The following NUP155 variants were observed in gnomAD, a reference collection of about 807,000 sequenced individuals.
NUP155 encodes the protein nuclear pore complex protein Nup155.
Under a neutral mutation model 180.4 loss-of-function variants are expected in NUP155, and 71 were observed. The observed-to-expected ratio is 0.39, with a 90% CI of 0.33 to 0.48. The LOEUF (loss-of-function observed/expected upper bound fraction) is 0.48, where lower values mean the gene tolerates loss of function less well. Ranked by LOEUF, NUP155 falls within the 20% of genes least tolerant of loss-of-function variation. NUP155 has a pLI of 0.91. For missense variants in NUP155, 1,553 were observed against 1,648.9 expected (o/e 0.94, Z 1.01); for synonymous variants, 582 against 559.5 (o/e 1.04, Z -0.57).
intron 2 of NUP155, 101 bp downstream of exon 2, chr5:37,364,146 A>G: frequency 8.7e-7 from 1 of 1,155,524 alleles, no homozygotes; most frequent in Middle Eastern, 2.0e-4. Context: ...TAAAACCCTT[A>G]AATGAATATA....
Position 37,348,496 on chromosome 5 carries a change from A to G in NUP155, c.995+9T>C, listed in dbSNP as rs1746247922. On this transcript the variant is annotated intron_variant, in intron 9 of 34. Coordinates refer to ENST00000231498, the MANE Select transcript of NUP155 (RefSeq NM_153485.3). ...CAAATGAAATGCTTAATAATAAATTACATGTTACCTAGCAATGTTACCAGC... is the reference window on the plus strand; with the variant it reads ...CAAATGAAATGCTTAATAATAAATTGCATGTTACCTAGCAATGTTACCAGC... 6.5e-7 allele frequency: 1 copy of G among 1,537,672 alleles called. No individual in the cohort carries two copies. Among genetic ancestry groups the G allele is most frequent in the Non-Finnish European group, 9.0e-7 (1 of 1,110,742 alleles).
At position 37,325,964 on chromosome 5, in the gene NUP155, G is replaced by A; in HGVS notation, c.2028C>T (p.Asn676=). 1 of 1,605,968 alleles carries A rather than the reference G, an allele frequency of 6.2e-7. No individual in the cohort carries two copies. The highest frequency in any genetic ancestry group is 8.5e-7 in the Non-Finnish European group (1 of 1,175,234). The change falls in exon 19 of 35, where the codon AAC becomes AAT. Residue 676 remains asparagine, a synonymous_variant. Transcript: ENST00000231498. ...CCACAACTAAGCTTGCATCCCAAAT[G>A]TTTCTGGAAAAAAAAAAGTTTTAAT... ...ICIYFSRIMG[N]IWDASLVVER...
chr5:37,334,968 G>A (rs1274850192), intron 12 of NUP155, among the ~76,000 whole-genome samples: 1 of 151,888 alleles, frequency 6.6e-6, no homozygotes, highest in Non-Finnish European at 1.5e-5. Context: ...GACCAGCCAG[G>A]CCAATGTGGT....
chr5:37,312,370 TA>T (rs34968825), intron 22 of NUP155, among the ~76,000 whole-genome samples: 37,824 of 144,152 alleles, frequency 0.26, 5,076 homozygotes, highest in Middle Eastern at 0.41. Flanking sequence ...CAAAGAGGAT[TA>T]AAAAAAAAAA....
At chr5:37,304,173 C>A (rs529207748) in intron 27 of NUP155, among the ~76,000 whole-genome samples, 1 of 148,386 alleles carries the variant, frequency 6.7e-6, no homozygotes, top group South Asian at 2.1e-4. Flanking sequence ...TTGCTGGAAC[C>A]CGGGAGGCGG....
intron 4 of NUP155, among the ~76,000 whole-genome samples, chr5:37,356,894 G>A (rs965904111): frequency 3.9e-5 from 6 of 152,118 alleles, no homozygotes; most frequent in African/African-American, 1.4e-4. Context: ...AATCACCTGA[G>A]GTCAACAGTT....
rs1337415849 is a variant in NUP155, at chr5:37,288,222, TTTCAA to T, written c.*3673_*3677del. The T allele has an allele frequency of 2.0e-5, 3 of 152,204 alleles. No individual in the cohort carries two copies. The East Asian group carries it at 5.8e-4, about 29-fold the overall frequency. 9.4% of individuals were successfully genotyped at this position (152,204 alleles called of 1,614,324 possible). A position where few individuals can be genotyped will look rare whatever the true frequency, so the allele number is the denominator to read the frequency against. On this transcript the variant is annotated 3_prime_UTR_variant, in exon 35 of 35. Transcript: ENST00000231498. ...AGAAATTGTGAACCCTTTCAAAACC[TTTCAA>T]TTCAATGTTCTAGTTCTTCATTTCC... is the stretch of plus-strand genomic sequence containing the variant.
chr5:37,335,680 C>A (rs920830266), intron 12 of NUP155, among the ~76,000 whole-genome samples: 1 of 152,078 alleles, frequency 6.6e-6, no homozygotes, highest in Non-Finnish European at 1.5e-5. Context: ...CTGGACGACA[C>A]GGCTTACACC....
At chr5:37,328,500 G>A (rs912025896) in intron 16 of NUP155, 80 bp from the exon 17 acceptor site, 10 of 1,101,702 alleles carry the variant, frequency 9.1e-6, no homozygotes, top group Non-Finnish European at 1.4e-5. Context: ...AGGTAAAGAA[G>A]GTATTTCCTT....
At chr5:37,360,287 TC>T (rs1747114298) in intron 3 of NUP155, among the ~76,000 whole-genome samples, 1 of 151,088 alleles carries the variant, frequency 6.6e-6, no homozygotes, top group Non-Finnish European at 1.5e-5. Flanking sequence ...ATCGAGACCG[TC>T]CTGGCCAACA....
At chr5:37,361,430 G>T (rs1561815361) in intron 3 of NUP155, among the ~76,000 whole-genome samples, 1 of 152,036 alleles carries the variant, frequency 6.6e-6, no homozygotes, top group Non-Finnish European at 1.5e-5. Flanking sequence ...GAAAAAATAT[G>T]ATCTAGACTT....
In NUP155 at chr5:37,370,836, T is replaced by C. The variant is rs1561823086; in HGVS notation, c.142A>G (p.Met48Val). ...RMYPDLSELL[M>V]VSAPNNPTVS... ...TATCACTCACTTGGGGCAGACACCA[T>C]AAGCAGCTCGGAAAGGTCCGGGTAC... Residue 48 changes from methionine (M) to valine (V), a missense_variant, in exon 1 of 35, where the codon ATG becomes GTG. Met to Val is a conservative substitution (Grantham distance 21). Transcript: ENST00000231498. 1 of 1,614,028 alleles carries C rather than the reference T, an allele frequency of 6.2e-7. No homozygotes were observed. Among genetic ancestry groups the C allele is most frequent in the African/African-American group, 1.3e-5 (1 of 74,908 alleles).
intron 21 of NUP155, 99 bp downstream of exon 21, chr5:37,317,889 A>G: frequency 1.3e-6 from 1 of 798,304 alleles, no homozygotes; most frequent in Non-Finnish European, 2.3e-6. Context: ...ATATTTGTGT[A>G]CAAAGTACAT....
At chr5:37,345,430 C>T (rs1746012775) in intron 9 of NUP155, among the ~76,000 whole-genome samples, 1 of 150,180 alleles carries the variant, frequency 6.7e-6, no homozygotes, top group Admixed American at 6.7e-5. Context: ...ATGCCTTGAG[C>T]CTGGGAGGAG....
chr5:37,349,624 C>T (rs1257981233), intron 7 of NUP155, among the ~76,000 whole-genome samples: 8 of 152,088 alleles, frequency 5.3e-5, no homozygotes, highest in Admixed American at 3.9e-4. Flanking sequence ...CCTAGAAACA[C>T]AGAATAAGTA....
At chr5:37,314,470 TTA>T (rs1404766859) in intron 21 of NUP155, 142 bp from the exon 22 acceptor site, 5 of 649,816 alleles carry the variant, frequency 7.7e-6, no homozygotes, top group Non-Finnish European at 1.3e-5. Flanking sequence ...TCAGTAGTAT[TTA>T]TGTTATTATC....
In NUP155 at chr5:37,304,755, G is replaced by A. The variant is rs983448846; in HGVS notation, c.3146C>T (p.Ala1049Val). Residue 1049 changes from alanine (A) to valine (V), a missense_variant, in exon 27 of 35, where the codon GCA becomes GTA. Ala to Val is a moderately conservative substitution (Grantham distance 64). Coordinates refer to ENST00000231498, the MANE Select transcript of NUP155 (RefSeq NM_153485.3). ...LYNWLIQVDL[A>V]DKLLQVASPF... is the part of the protein sequence containing the mutation. ...AAGATTTACCTGTAGCAGCTTATCT[G>A]CAAGGTCGACTTGTATTAGCCAATT... 6.2e-7 allele frequency: 1 copy of A among 1,609,680 alleles called. No homozygotes were observed. The highest frequency in any genetic ancestry group is 8.5e-7 in the Non-Finnish European group (1 of 1,176,198).
intron 10 of NUP155, 109 bp from the exon 11 acceptor site, chr5:37,341,351 A>G (rs1745708082): frequency 1.8e-5 from 17 of 948,448 alleles, no homozygotes; most frequent in Non-Finnish European, 2.5e-5. Context: ...AAAACCATAC[A>G]TAACTTTCCT....
intron 22 of NUP155, 32 bp from the exon 23 acceptor site, chr5:37,310,775 T>C (rs759898035): frequency 2.4e-5 from 35 of 1,473,048 alleles, no homozygotes; most frequent in Middle Eastern, 3.5e-4. Context: ...ATCACAATTA[T>C]AGAAATACCA....
Sources: gnomAD v4.1 joint callset for allele counts (sites outside exome capture counted in the v4.1 genomes callset) on GRCh38, gnomAD v4.1.1 for gene constraint, MANE v1.5 for transcripts, NCBI Gene and HGNC (gene_info 2026-07-23, HGNC 2026-07-21) for gene names.